The following SDK1 variants were observed in gnomAD, a reference collection of about 807,000 sequenced individuals.
The protein encoded by SDK1 is protein sidekick-1.
In SDK1, 157 loss-of-function variants were observed where a neutral mutation model predicts 245.5. That is an observed-to-expected ratio of 0.64 (90% CI 0.56 to 0.73). The LOEUF is 0.73. Among genes scored for constraint, SDK1 ranks in the 30% least tolerant of loss-of-function variants. SDK1 has a pLI of 0.00. For synonymous variants in SDK1, 1,647 were observed against 1,278.5 expected (o/e 1.29, Z -6.15); for missense variants, 3,583 against 3,002.3 (o/e 1.19, Z -4.52).
chr7:4,080,692 C>G (rs1328540484), intron 22 of SDK1, among the ~76,000 whole-genome samples: 6 of 152,100 alleles, frequency 3.9e-5, no homozygotes, highest in Admixed American at 2.0e-4. Flanking sequence ...CATCATCACA[C>G]ACCAGGGACT....
At chr7:3,401,170 T>C (rs1778877867) in intron 1 of SDK1, among the ~76,000 whole-genome samples, 1 of 152,132 alleles carries the variant, frequency 6.6e-6, no homozygotes, top group Non-Finnish European at 1.5e-5. Context: ...CTTACTAAAA[T>C]CCATACTTGA....
At chr7:4,152,888 T>G (rs575614519) in intron 30 of SDK1, among the ~76,000 whole-genome samples, 1 of 152,274 alleles carries the variant, frequency 6.6e-6, no homozygotes, top group South Asian at 2.1e-4. Context: ...GGAGAGGGGT[T>G]GGGTCTGAGA....
intron 25 of SDK1, among the ~76,000 whole-genome samples, chr7:4,122,860 G>C (rs1426216775): frequency 6.6e-6 from 1 of 152,182 alleles, no homozygotes; most frequent in East Asian, 1.9e-4. Flanking sequence ...TTCAATTCTT[G>C]AAAACTTTGC....
chr7:3,351,334 C>G (rs1583725152), intron 1 of SDK1, among the ~76,000 whole-genome samples: 1 of 152,046 alleles, frequency 6.6e-6, no homozygotes, highest in African/African-American at 2.4e-5. Context: ...ATTGATATTA[C>G]TCAACACAAG....
intron 5 of SDK1, among the ~76,000 whole-genome samples, chr7:3,909,311 C>G (rs1779070246): frequency 6.6e-6 from 1 of 152,178 alleles, no homozygotes; most frequent in Admixed American, 6.5e-5. Context: ...TAACTCCAGA[C>G]TTAAATCCTG....
intron 13 of SDK1, among the ~76,000 whole-genome samples, chr7:3,975,961 A>G (rs567717967): frequency 4.6e-4 from 59 of 129,082 alleles, no homozygotes; most frequent in South Asian, 8.4e-4. Flanking sequence ...TGCCACGCAG[A>G]GGGTCCTCCA....
chr7:3,920,087 G>A (rs1001438421), intron 5 of SDK1, among the ~76,000 whole-genome samples: 5 of 152,184 alleles, frequency 3.3e-5, no homozygotes, highest in Non-Finnish European at 7.3e-5. Flanking sequence ...ACGTGCAGGG[G>A]CACTGAGACA....
chr7:3,768,214 C>T (rs1780308984), intron 4 of SDK1, among the ~76,000 whole-genome samples: 2 of 152,198 alleles, frequency 1.3e-5, no homozygotes, highest in Non-Finnish European at 2.9e-5. Context: ...ATATAATAGA[C>T]TGCAACCATA....
At chr7:3,479,744 C>T (rs555683846) in intron 1 of SDK1, among the ~76,000 whole-genome samples, 1 of 151,644 alleles carries the variant, frequency 6.6e-6, no homozygotes, top group Non-Finnish European at 1.5e-5. Flanking sequence ...TGCATGTAGT[C>T]CTAGCTACTC....
At chr7:3,403,613 G>C (rs1177701747) in intron 1 of SDK1, among the ~76,000 whole-genome samples, 2 of 151,360 alleles carry the variant, frequency 1.3e-5, no homozygotes, top group Non-Finnish European at 1.5e-5. Context: ...AAAGAGTAAA[G>C]AGAGCACAAA....
intron 19 of SDK1, among the ~76,000 whole-genome samples, chr7:4,056,834 G>C (rs562652601): frequency 6.6e-6 from 1 of 151,054 alleles, no homozygotes; most frequent in Non-Finnish European, 1.5e-5. Flanking sequence ...TCCGCCCCGG[G>C]TCCCGACAGA....
chr7:3,535,174 A>T (rs1000716516), intron 1 of SDK1, among the ~76,000 whole-genome samples: 4 of 151,930 alleles, frequency 2.6e-5, no homozygotes, highest in African/African-American at 7.3e-5. Flanking sequence ...TACTCAGGAG[A>T]CTGAGGCAGG....
chr7:3,724,706 G>T (rs143577414), intron 4 of SDK1, among the ~76,000 whole-genome samples: 1 of 152,292 alleles, frequency 6.6e-6, no homozygotes, highest in African/African-American at 2.4e-5. Flanking sequence ...AGAGACACGG[G>T]CTGCTTGGGT....
intron 17 of SDK1, among the ~76,000 whole-genome samples, chr7:4,041,587 A>G (rs12155028): frequency 0.31 from 46,998 of 150,758 alleles, 11,385 homozygotes; most frequent in African/African-American, 0.69. Context: ...CAAAACCCCC[A>G]TGCTCCTCCT....
At chr7:3,970,022 G>C (rs1046393449) in intron 11 of SDK1, among the ~76,000 whole-genome samples, 1 of 152,220 alleles carries the variant, frequency 6.6e-6, no homozygotes, top group African/African-American at 2.4e-5. Context: ...TGGAAATGCA[G>C]AGTAGTTTTC....
At chr7:3,833,695 G>C (rs1281104612) in intron 5 of SDK1, among the ~76,000 whole-genome samples, 1 of 152,196 alleles carries the variant, frequency 6.6e-6, no homozygotes, top group Non-Finnish European at 1.5e-5. Context: ...CTTGAACTGA[G>C]AAAATGCCAC....
rs541267581 is a variant in SDK1, at chr7:4,114,825, T to G, written c.3823+551T>G. On this transcript the variant is annotated intron_variant, in intron 25 of 44. Transcript: ENST00000404826. ...CCGTTCTGTGGGACTAATCTCCTTCTGCACCCAGCTGCCAGCAGGGAAAAG... is the reference window on the plus strand; with the variant it reads ...CCGTTCTGTGGGACTAATCTCCTTCGGCACCCAGCTGCCAGCAGGGAAAAG... 5.9e-5 allele frequency among the ~76,000 whole-genome samples: 9 copies of G among 152,300 alleles called. No individual in the cohort carries two copies. The South Asian group carries it at 1.9e-3, about 32-fold the overall frequency.
At chr7:4,017,396 G>A (rs2128152145) in intron 17 of SDK1, 44 bp downstream of exon 17, 1 of 1,549,338 alleles carries the variant, frequency 6.5e-7, no homozygotes, top group Non-Finnish European at 8.8e-7. Flanking sequence ...ATCTTTGCCG[G>A]GGAATGGGAT....
intron 4 of SDK1, among the ~76,000 whole-genome samples, chr7:3,758,278 A>G (rs905046317): frequency 1.3e-5 from 2 of 152,112 alleles, no homozygotes; most frequent in Non-Finnish European, 2.9e-5. Context: ...CAGCATTTCT[A>G]TCGTAATGTT....
Sources: allele counts gnomAD v4.1 joint callset (sites outside exome capture counted in the v4.1 genomes callset), GRCh38; gene constraint gnomAD v4.1.1; transcripts MANE v1.5; gene names NCBI Gene and HGNC (gene_info 2026-07-23, HGNC 2026-07-21).